The following UFC1 variants were observed in gnomAD, a reference collection of about 807,000 sequenced individuals.
The protein encoded by UFC1 is ubiquitin-fold modifier conjugating enzyme 1, also known as ubiquitin-fold modifier-conjugating enzyme 1.
A neutral mutation model predicts 28.0 loss-of-function variants in UFC1; 22 were observed. That is an observed-to-expected ratio of 0.78 (90% CI 0.56 to 1.12). UFC1 has a LOEUF of 1.12. Ranked by LOEUF, UFC1 falls within the 50% of genes most tolerant of loss-of-function variation. UFC1 has a pLI of 0.00. For synonymous variants in UFC1, 61 were observed against 74.5 expected (o/e 0.82, Z 0.93); for missense variants, 189 against 207.8 (o/e 0.91, Z 0.56).
chr1:161,156,902 G>A (rs1301728626), intron 1 of UFC1, 48 bp from the exon 2 acceptor site: 2 of 1,520,084 alleles, frequency 1.3e-6, no homozygotes, highest in Non-Finnish European at 1.8e-6. Context: ...GAGGGGGACT[G>A]CCCTTGGCCC....
intron 5 of UFC1, 32 bp from the exon 6 acceptor site, chr1:161,158,380 A>T: frequency 3.1e-6 from 5 of 1,613,078 alleles, no homozygotes; most frequent in Non-Finnish European, 4.2e-6. Context: ...ATTGACTGGT[A>T]GTAATCTCAC....
intron 1 of UFC1, 59 bp downstream of exon 1, chr1:161,154,179 C>G: frequency 6.2e-7 from 1 of 1,601,650 alleles, no homozygotes. Flanking sequence ...ATCAGGTGTC[C>G]TCAATAATAG....
intron 1 of UFC1, among the ~76,000 whole-genome samples, chr1:161,154,769 G>T (rs1354536185): frequency 2.6e-5 from 4 of 152,156 alleles, no homozygotes; most frequent in Non-Finnish European, 5.9e-5. Context: ...GATTACAGGC[G>T]TGAGCCACCG....
At position 161,156,958 on chromosome 1, in the gene UFC1, GAAC is replaced by G. The variant is rs1248346344; in HGVS notation, c.138_140del (p.Asn46del). 1.2e-6 allele frequency: 2 copies of G among 1,614,064 alleles called. No homozygotes were observed. Among genetic ancestry groups the G allele is most frequent in the African/African-American group, 1.3e-5 (1 of 74,930 alleles). On this transcript the variant is annotated inframe_deletion, in exon 2 of 6. Coordinates refer to ENST00000368003, the MANE Select transcript of UFC1 (RefSeq NM_016406.4). ...TCATTCTCTGCTTTCAGTATGTGGA[GAAC>G]AACAAGAATGCTGACAACGATTGGT... is the stretch of plus-strand genomic sequence containing the variant.
chr1:161,158,358 G>C, intron 5 of UFC1, 54 bp from the exon 6 acceptor site: 1 of 1,601,544 alleles, frequency 6.2e-7, no homozygotes, highest in East Asian at 2.2e-5. Flanking sequence ...AGCTTCTAAT[G>C]GAACAAGAAG....
chr1:161,157,492 G>A (rs1657549921), intron 3 of UFC1, 125 bp from the exon 4 acceptor site: 4 of 1,229,546 alleles, frequency 3.3e-6, no homozygotes, highest in Non-Finnish European at 3.5e-6. Context: ...CAGAATCCTG[G>A]TATGGATGTG....
rs769539451 is a variant in UFC1 at position 161,154,027 on chromosome 1, G to A, written c.30G>A (p.Val10=). The A allele has an allele frequency of 1.7e-5, 27 of 1,614,052 alleles. No homozygotes were observed. Among genetic ancestry groups the A allele is most frequent in the Non-Finnish European group, 6.8e-6 (8 of 1,180,056 alleles). ...CGGATGAAGCCACGCGACGTGTTGT[G>A]TCTGAGATCCCGGTGCTGAAGACTA... is the stretch of plus-strand genomic sequence containing the variant. The part of the protein sequence containing the change: MADEATRRV[V]SEIPVLKTNA... Residue 10 remains valine, a synonymous_variant, in exon 1 of 6, where the codon GTG becomes GTA. Transcript: ENST00000368003.
At chr1:161,156,859 A>T (rs78337759) in intron 1 of UFC1, 91 bp from the exon 2 acceptor site, 1 of 1,135,744 alleles carries the variant, frequency 8.8e-7, no homozygotes, top group Admixed American at 2.2e-5. Context: ...AATAAAAAAT[A>T]AAAAAAATAA....
Position 161,154,094 on chromosome 1 carries a change from A to C in UFC1, c.97A>C (p.Lys33Gln). 3 of 1,613,992 alleles carry C rather than the reference A, an allele frequency of 1.9e-6. No homozygotes were observed. The highest frequency in any genetic ancestry group is 2.5e-6 in the Non-Finnish European group (3 of 1,180,002). ...TCGTGAGTTGTGGGTGCAGCGACTGAAGGAGGAATATCAGTCCCTTATCCG... is the reference window on the plus strand; with the variant it reads ...TCGTGAGTTGTGGGTGCAGCGACTGCAGGAGGAATATCAGTCCCTTATCCG... The part of the protein sequence containing the change: ...RDRELWVQRL[K>Q]EEYQSLIRYV... The change falls in exon 1 of 6, where the codon AAG (lysine) becomes CAG (glutamine). Residue 33 changes from lysine to glutamine, a missense_variant. Coordinates refer to ENST00000368003, the MANE Select transcript of UFC1 (RefSeq NM_016406.4).
chr1:161,156,902 G>T (rs1301728626), intron 1 of UFC1, 48 bp from the exon 2 acceptor site: 2 of 1,519,966 alleles, frequency 1.3e-6, no homozygotes, highest in Admixed American at 1.8e-5. Flanking sequence ...GAGGGGGACT[G>T]CCCTTGGCCC....
intron 4 of UFC1, 154 bp from the exon 5 acceptor site, chr1:161,157,967 G>A (rs1339204505): frequency 1.5e-6 from 1 of 675,534 alleles, no homozygotes; most frequent in Non-Finnish European, 2.5e-6. Context: ...TGGCCTAGTG[G>A]GGTGCCAGGC....
At chr1:161,154,195 G>A (rs1571263116) in intron 1 of UFC1, 75 bp downstream of exon 1, 4 of 1,573,024 alleles carry the variant, frequency 2.5e-6, no homozygotes, top group South Asian at 1.1e-5. Flanking sequence ...AATAGGCTCC[G>A]TGTGGAAGCC....
Position 161,158,547 on chromosome 1 carries a change from T to A in UFC1, c.*55T>A, listed in dbSNP as rs1657626268. On this transcript the variant is annotated 3_prime_UTR_variant, in exon 6 of 6. Coordinates refer to ENST00000368003, the MANE Select transcript of UFC1 (RefSeq NM_016406.4). ...GACCTTTGATAGGCTACGATACTAT[T>A]TTCCTGTGCATCACACTTAACTCAT... 1 of 1,588,978 alleles carries A rather than the reference T, an allele frequency of 6.3e-7. No individual in the cohort carries two copies. The highest frequency in any genetic ancestry group is 1.7e-5 in the Admixed American group (1 of 59,852).
At chr1:161,156,089 A>G (rs1332918982) in intron 1 of UFC1, among the ~76,000 whole-genome samples, 1 of 152,196 alleles carries the variant, frequency 6.6e-6, no homozygotes, top group Non-Finnish European at 1.5e-5. Flanking sequence ...CAGAGAAGTG[A>G]GAGGAGAATC....
chr1:161,157,109 C>T, intron 2 of UFC1, 92 bp downstream of exon 2: 1 of 1,496,372 alleles, frequency 6.7e-7, no homozygotes, highest in Non-Finnish European at 9.3e-7. Context: ...GCTGCCCTGT[C>T]ACATGTTAGC....
At chr1:161,154,161 TG>T in intron 1 of UFC1, 41 bp downstream of exon 1, 1 of 1,610,546 alleles carries the variant, frequency 6.2e-7, no homozygotes, top group African/African-American at 1.3e-5. Context: ...GCATAAGGGT[TG>T]GGAGAAATCA....
chr1:161,156,798 C>T (rs1317483424), intron 1 of UFC1, 152 bp from the exon 2 acceptor site: 16 of 621,256 alleles, frequency 2.6e-5, no homozygotes, highest in South Asian at 1.0e-4. Flanking sequence ...ACCCAGATTG[C>T]GCCACTGCAC....
At chr1:161,155,200 C>T (rs1292048564) in intron 1 of UFC1, among the ~76,000 whole-genome samples, 1 of 152,154 alleles carries the variant, frequency 6.6e-6, no homozygotes, top group Non-Finnish European at 1.5e-5. Context: ...AGTTTGCATT[C>T]GGTCACGGAA....
Position 161,158,733 on chromosome 1 carries a change from T to C in UFC1, c.*241T>C. The C allele has an allele frequency of 3.8e-6, 2 of 527,398 alleles. No homozygotes were observed. Among genetic ancestry groups the C allele is most frequent in the South Asian group, 4.3e-5 (2 of 46,216 alleles). The allele number at this position is 527,398 out of a possible 1,614,324, so 32.7% of individuals were successfully genotyped here. A position where few individuals can be genotyped will look rare whatever the true frequency, so the allele number is the denominator to read the frequency against. ...TGGGCTTTGGACAATCTAGAGGTAA[T>C]TTATATCCGCCCCCAGGTGGAGCAA... On this transcript the variant is annotated 3_prime_UTR_variant, in exon 6 of 6. Coordinates refer to ENST00000368003, the MANE Select transcript of UFC1 (RefSeq NM_016406.4).
Sources: allele counts gnomAD v4.1 joint callset (sites outside exome capture counted in the v4.1 genomes callset), GRCh38; gene constraint gnomAD v4.1.1; transcripts MANE v1.5; gene names NCBI Gene and HGNC (gene_info 2026-07-23, HGNC 2026-07-21).